Variants in SYT2 observed in about 807,000 individuals in gnomAD.
The protein encoded by SYT2 is synaptotagmin-2.
In SYT2, 15 loss-of-function variants were observed where a neutral mutation model predicts 39.9. The observed-to-expected ratio is 0.38, with a 90% CI of 0.25 to 0.58. The LOEUF (loss-of-function observed/expected upper bound fraction) is 0.58. SYT2 is among the 20% of genes least tolerant of loss of function. The pLI, the probability that SYT2 is intolerant of heterozygous loss-of-function variation, is 0.70. For missense variants in SYT2, 389 were observed against 530.3 expected (o/e 0.73, Z 2.62); for synonymous variants, 181 against 204.5 (o/e 0.89, Z 0.98).
intron 1 of SYT2, among the ~76,000 whole-genome samples, chr1:202,612,587 G>A (rs190761520): frequency 3.7e-4 from 56 of 152,234 alleles, no homozygotes; most frequent in Non-Finnish European, 4.7e-4. Context: ...GGCTGGTCTC[G>A]AACTCCTGGG....
intron 1 of SYT2, among the ~76,000 whole-genome samples, chr1:202,682,264 T>C (rs1653544968): frequency 6.6e-6 from 1 of 152,118 alleles, no homozygotes; most frequent in Non-Finnish European, 1.5e-5. Flanking sequence ...CAGAGCATGA[T>C]GGGTTGGCTT....
At chr1:202,612,103 TC>T (rs752109885) in intron 1 of SYT2, among the ~76,000 whole-genome samples, 4 of 152,218 alleles carry the variant, frequency 2.6e-5, no homozygotes, top group Non-Finnish European at 4.4e-5. Flanking sequence ...TCACATTCAT[TC>T]GTTTGTATGT....
intron 1 of SYT2, among the ~76,000 whole-genome samples, chr1:202,672,866 A>C: frequency 6.7e-6 from 1 of 148,908 alleles, no homozygotes; most frequent in Admixed American, 6.7e-5. Context: ...CCACAGATTC[A>C]AGAAACCCAA....
chr1:202,634,293 G>T (rs1159653344), intron 1 of SYT2, among the ~76,000 whole-genome samples: 12 of 152,150 alleles, frequency 7.9e-5, no homozygotes, highest in Non-Finnish European at 1.8e-4. Flanking sequence ...CGAGGCGGGT[G>T]GATCACCCGA....
chr1:202,635,815 A>G lies in SYT2; in HGVS notation c.-17-30026T>C, dbSNP rs561115979. On this transcript the variant is annotated intron_variant, in intron 1 of 8. Coordinates refer to ENST00000367268, the MANE Select transcript of SYT2 (RefSeq NM_177402.5). ...ACCATGAGGCCCTAACCTAACCATC[A>G]ATGCAATACTATGAGCAGATCAGGT... Among the ~76,000 whole-genome samples the G allele has an allele frequency of 4.6e-5, 7 of 152,300 alleles. No individual in the cohort carries two copies. The East Asian group carries it at 1.4e-3, about 29-fold the overall frequency.
chr1:202,645,912 A>G (rs1692072142), intron 1 of SYT2, among the ~76,000 whole-genome samples: 1 of 152,160 alleles, frequency 6.6e-6, no homozygotes, highest in African/African-American at 2.4e-5. Flanking sequence ...TAGGGATGAC[A>G]ATGACAGCCT....
chr1:202,654,009 G>A (rs1009420009), intron 1 of SYT2, among the ~76,000 whole-genome samples: 2 of 152,140 alleles, frequency 1.3e-5, no homozygotes. Flanking sequence ...GGCTTCAAGG[G>A]CCCTGGCAGC....
At chr1:202,680,313 A>T (rs1011814553) in intron 1 of SYT2, among the ~76,000 whole-genome samples, 1 of 152,206 alleles carries the variant, frequency 6.6e-6, no homozygotes, top group African/African-American at 2.4e-5. Flanking sequence ...AGCCATAGAA[A>T]ATTGGACCTA....
intron 1 of SYT2, among the ~76,000 whole-genome samples, chr1:202,617,367 C>G (rs1691074114): frequency 6.6e-6 from 1 of 151,950 alleles, no homozygotes; most frequent in Admixed American, 6.6e-5. Flanking sequence ...GTGTGTAGCA[C>G]CCCCCAACCC....
chr1:202,700,730 T>A (rs1262605624), intron 1 of SYT2, among the ~76,000 whole-genome samples: 1 of 152,232 alleles, frequency 6.6e-6, no homozygotes, highest in Non-Finnish European at 1.5e-5. Context: ...GAGTTTTATA[T>A]CAACTTCGGT....
intron 1 of SYT2, among the ~76,000 whole-genome samples, chr1:202,611,505 AC>A: frequency 6.6e-6 from 1 of 151,918 alleles, no homozygotes; most frequent in East Asian, 2.0e-4. Flanking sequence ...ATAGGCGCTC[AC>A]CACCATGCCT....
In SYT2 at chr1:202,628,370, C is replaced by G. The variant is rs1030486616; in HGVS notation, c.-17-22581G>C. ...GAGCCCAGCCTGCTCTCAGTGGGAG[C>G]TGGGAGCCAGCATCCCAGGCAGGGA... On this transcript the variant is annotated intron_variant, in intron 1 of 8. Transcript: ENST00000367268. This position sits in a 1 kb window ranked among gnomAD's most constrained non-coding sequence, Gnocchi z 4.2. Among the ~76,000 whole-genome samples the G allele has an allele frequency of 1.3e-5, 2 of 152,170 alleles. No homozygotes were observed. The highest frequency in any genetic ancestry group is 4.8e-5 in the African/African-American group (2 of 41,456).
At chr1:202,678,735 C>G (rs1653448865) in intron 1 of SYT2, among the ~76,000 whole-genome samples, 1 of 152,178 alleles carries the variant, frequency 6.6e-6, no homozygotes, top group South Asian at 2.1e-4. Context: ...CTTCAACTCA[C>G]TTTGCCTCTC....
intron 3 of SYT2, chr1:202,604,120 G>A (rs1572614251): frequency 8.5e-6 from 2 of 235,806 alleles, no homozygotes; most frequent in South Asian, 1.1e-4. Context: ...CAGTCTCTCT[G>A]GCTGGAAAAC....
intron 1 of SYT2, among the ~76,000 whole-genome samples, chr1:202,625,229 GTGTC>G (rs1383369974): frequency 1.8e-5 from 2 of 112,652 alleles, no homozygotes; most frequent in East Asian, 2.7e-4. Context: ...GGTGTGTGCT[GTGTC>G]TGTGTGGTGT....
chr1:202,689,081 T>TG (rs1653753209), intron 1 of SYT2, among the ~76,000 whole-genome samples: 1 of 152,096 alleles, frequency 6.6e-6, no homozygotes, highest in African/African-American at 2.4e-5. Flanking sequence ...CTGAGACCCC[T>TG]GAATTACTGG....
At chr1:202,625,592 C>T (rs1320351685) in intron 1 of SYT2, among the ~76,000 whole-genome samples, 1 of 151,982 alleles carries the variant, frequency 6.6e-6, no homozygotes, top group Non-Finnish European at 1.5e-5. Context: ...GTTGAGGAGA[C>T]CTAGCGGTGC....
At chr1:202,667,791 C>T (rs1259335121) in intron 1 of SYT2, among the ~76,000 whole-genome samples, 3 of 152,022 alleles carry the variant, frequency 2.0e-5, no homozygotes, top group Non-Finnish European at 2.9e-5. Context: ...TGGCTCATTG[C>T]AACCTCTGCC....
intron 1 of SYT2, among the ~76,000 whole-genome samples, chr1:202,638,178 A>T (rs905035617): frequency 4.6e-5 from 7 of 152,384 alleles, no homozygotes; most frequent in Middle Eastern, 3.4e-3. Context: ...CCACTGAAGC[A>T]GACGGCAGCT....
Sources: allele counts gnomAD v4.1 joint callset (sites outside exome capture counted in the v4.1 genomes callset), GRCh38; gene constraint gnomAD v4.1.1; non-coding constraint Gnocchi (gnomAD v3.1); transcripts MANE v1.5; gene names NCBI Gene and HGNC (gene_info 2026-07-23, HGNC 2026-07-21).